SLIT3: variants seen among roughly 807,000 people sequenced by gnomAD.
The protein encoded by SLIT3 is slit guidance ligand 3, also known as slit homolog 3 protein.
A neutral mutation model predicts 184.0 loss-of-function variants in SLIT3; 68 were observed. The observed-to-expected ratio is 0.37, with a 90% CI of 0.30 to 0.45. The LOEUF (loss-of-function observed/expected upper bound fraction) is 0.45. Among genes scored for constraint, SLIT3 ranks in the 20% least tolerant of loss-of-function variants. The probability of loss-of-function intolerance (pLI) is 1.00; values close to 1 mark genes in which losing one functional copy is unlikely to be tolerated. For synonymous variants in SLIT3, 831 were observed against 828.6 expected, an observed-to-expected ratio of 1.00 and a Z score of -0.05; for missense variants, 1,707 against 2,026.0, an observed-to-expected ratio of 0.84 and a Z score of 3.02.
chr5:168,927,915 C>T (rs1004072099), intron 4 of SLIT3, among the ~76,000 whole-genome samples: 3 of 152,234 alleles, frequency 2.0e-5, no homozygotes, highest in Non-Finnish European at 4.4e-5. Flanking sequence ...TTCCTTTCTT[C>T]AGCTTTTCTC....
At chr5:169,157,962 T>TAA (rs35904066) in intron 4 of SLIT3, among the ~76,000 whole-genome samples, 14 of 143,130 alleles carry the variant, frequency 9.8e-5, no homozygotes, top group South Asian at 2.2e-4. Context: ...AAAACAGAAT[T>TAA]AAAAAAAAAA....
chr5:169,280,135 G>A (rs894988232), intron 1 of SLIT3, among the ~76,000 whole-genome samples: 11 of 152,214 alleles, frequency 7.2e-5, no homozygotes, highest in Admixed American at 5.9e-4. Flanking sequence ...CCCAGCTTCC[G>A]CTGGGGGTCT....
At chr5:169,211,806 C>T (rs185638300) in intron 3 of SLIT3, among the ~76,000 whole-genome samples, 9 of 152,182 alleles carry the variant, frequency 5.9e-5, no homozygotes, top group East Asian at 1.9e-4. Context: ...CGTCCCCAGA[C>T]GGCCCGTGTG....
intron 1 of SLIT3, among the ~76,000 whole-genome samples, chr5:169,264,802 T>A (rs865990172): frequency 1.1e-4 from 17 of 152,338 alleles, no homozygotes; most frequent in Admixed American, 8.5e-4. Flanking sequence ...CATAACCACA[T>A]GCAAGTTTAA....
chr5:169,066,311 A>G (rs1429588812), intron 4 of SLIT3, among the ~76,000 whole-genome samples: 1 of 152,192 alleles, frequency 6.6e-6, no homozygotes, highest in African/African-American at 2.4e-5. Context: ...TTTTTGGTAA[A>G]GTAGGACCAT....
rs182046458 is a variant in SLIT3, at chr5:169,050,625, A to G, written c.413+142854T>C. On this transcript the variant is annotated intron_variant, in intron 4 of 35. Transcript: ENST00000519560. ...AAATTTATAGTCAAATAAAATGCCA[A>G]TTAATGTTAGGATTTGTTTAACCAC... Among the ~76,000 whole-genome samples, 179 of 152,270 alleles carry G rather than the reference A, an allele frequency of 1.2e-3. 1 individual carries two copies. Among genetic ancestry groups the G allele is most frequent in the Admixed American group, 0.01 (158 of 15,304 alleles).
intron 4 of SLIT3, among the ~76,000 whole-genome samples, chr5:168,972,091 C>G (rs1424221471): frequency 6.6e-6 from 1 of 152,176 alleles, no homozygotes; most frequent in Non-Finnish European, 1.5e-5. Flanking sequence ...GAGGTGATGA[C>G]TCTTGAGCTG....
chr5:168,725,174 A>C (rs1581008229), intron 20 of SLIT3, among the ~76,000 whole-genome samples: 2 of 152,180 alleles, frequency 1.3e-5, no homozygotes, highest in African/African-American at 4.8e-5. Context: ...TGCACCCAAC[A>C]GATGGGGACT....
At chr5:168,763,267 C>T (rs1755223189) in intron 14 of SLIT3, among the ~76,000 whole-genome samples, 1 of 151,922 alleles carries the variant, frequency 6.6e-6, no homozygotes, top group African/African-American at 2.4e-5. Context: ...ACCATCGACG[C>T]CTGGCTGTAA....
intron 4 of SLIT3, among the ~76,000 whole-genome samples, chr5:169,051,191 T>C (rs1757802270): frequency 1.3e-5 from 2 of 152,154 alleles, no homozygotes; most frequent in East Asian, 3.9e-4. Flanking sequence ...AAGGGATCAA[T>C]TTAGATTCAC....
chr5:169,117,395 T>G (rs1760712800), intron 4 of SLIT3, among the ~76,000 whole-genome samples: 1 of 152,116 alleles, frequency 6.6e-6, no homozygotes, highest in African/African-American at 2.4e-5. Context: ...ACAATTACTG[T>G]GCATGTTCTC....
intron 4 of SLIT3, among the ~76,000 whole-genome samples, chr5:169,001,517 T>G (rs1755702989): frequency 6.6e-6 from 1 of 152,202 alleles, no homozygotes; most frequent in African/African-American, 2.4e-5. Context: ...TGGAACATTT[T>G]GACTTGTTAT....
chr5:169,002,610 G>A (rs933625926), intron 4 of SLIT3, among the ~76,000 whole-genome samples: 1 of 152,130 alleles, frequency 6.6e-6, no homozygotes, highest in African/African-American at 2.4e-5. Flanking sequence ...GAATGGCAAT[G>A]GTGTGCAGGC....
rs754201987 is a variant in SLIT3, at chr5:168,762,702, A to G, written c.1460-13T>C. 6.2e-7 allele frequency: 1 copy of G among 1,611,274 alleles called. No individual in the cohort carries two copies. Among genetic ancestry groups the G allele is most frequent in the Non-Finnish European group, 8.5e-7 (1 of 1,178,382 alleles). On this transcript the variant is annotated splice_polypyrimidine_tract_variant and intron_variant, in intron 14 of 35. Transcript: ENST00000519560. ...TAATCCTCGGAGCCTGGGAGGGGCC[A>G]AAGAGGGGACGTCAGCGTCACCCGA...
chr5:169,057,032 G>A (rs1264427881), intron 4 of SLIT3, among the ~76,000 whole-genome samples: 14 of 152,294 alleles, frequency 9.2e-5, no homozygotes, highest in Non-Finnish European at 1.5e-5. Context: ...GAAATAAATG[G>A]TGTCAATATA....
chr5:168,918,764 G>T (rs1289535517), intron 4 of SLIT3, among the ~76,000 whole-genome samples: 1 of 152,120 alleles, frequency 6.6e-6, no homozygotes, highest in Non-Finnish European at 1.5e-5. Flanking sequence ...GTTATATGTG[G>T]ATAATAAAAT....
chr5:168,833,680 T>C (rs1463850160), intron 6 of SLIT3, among the ~76,000 whole-genome samples: 1 of 152,204 alleles, frequency 6.6e-6, no homozygotes, highest in African/African-American at 2.4e-5. Flanking sequence ...TCACTTACTA[T>C]TGTTTCCTGT....
Position 168,661,880 on chromosome 5 carries a change from G to T in SLIT3, c.*4574C>A, listed in dbSNP as rs1443967152. Reference sequence around the variant, plus strand: ...ACTGGGGAAGTGCCACTATAACATTGTTTTAAAAAATCTTCAAAAATTTCC... The same window carrying T: ...ACTGGGGAAGTGCCACTATAACATTTTTTTAAAAAATCTTCAAAAATTTCC... On this transcript the variant is annotated 3_prime_UTR_variant, in exon 36 of 36. Coordinates refer to ENST00000519560, the MANE Select transcript of SLIT3 (RefSeq NM_003062.4). The T allele has an allele frequency of 6.6e-6, 1 of 152,136 alleles. No individual in the cohort carries two copies. The highest frequency in any genetic ancestry group is 1.5e-5 in the Non-Finnish European group (1 of 68,026). The allele number at this position is 152,136 out of a possible 1,614,324, so 9.4% of individuals were successfully genotyped here. A position where few individuals can be genotyped will look rare whatever the true frequency, so the allele number is the denominator to read the frequency against.
intron 4 of SLIT3, among the ~76,000 whole-genome samples, chr5:168,912,500 CT>C (rs1411339177): frequency 2.0e-5 from 3 of 152,168 alleles, no homozygotes; most frequent in East Asian, 1.9e-4. Flanking sequence ...GTCAGGGAAG[CT>C]TCATGTCACA....
Sources: allele counts gnomAD v4.1 joint callset (sites outside exome capture counted in the v4.1 genomes callset), GRCh38; gene constraint gnomAD v4.1.1; transcripts MANE v1.5; gene names NCBI Gene and HGNC (gene_info 2026-07-23, HGNC 2026-07-21).